The following ASTN2 variants were observed in gnomAD, a reference collection of about 807,000 sequenced individuals.
The protein encoded by ASTN2 is astrotactin-2.
A neutral mutation model predicts 139.8 loss-of-function variants in ASTN2; 54 were observed. That is an observed-to-expected ratio of 0.39 (90% confidence interval 0.31 to 0.48). The LOEUF (loss-of-function observed/expected upper bound fraction) is 0.48. Ranked by LOEUF, ASTN2 falls within the 20% of genes least tolerant of loss-of-function variation. ASTN2 has a pLI of 0.95. For synonymous variants in ASTN2, 756 were observed against 719.5 expected, an observed-to-expected ratio of 1.05 and a Z score of -0.81; for missense variants, 1,565 against 1,725.1, an observed-to-expected ratio of 0.91 and a Z score of 1.64.
intron 19 of ASTN2, among the ~76,000 whole-genome samples, chr9:116,573,920 G>T (rs1335744978): frequency 1.3e-5 from 2 of 152,156 alleles, no homozygotes; most frequent in African/African-American, 4.8e-5. Flanking sequence ...GTTGTACTTA[G>T]AATTGTTTTT....
At chr9:117,201,337 C>T (rs1427146407) in intron 3 of ASTN2, among the ~76,000 whole-genome samples, 1 of 151,898 alleles carries the variant, frequency 6.6e-6, no homozygotes, top group Non-Finnish European at 1.5e-5. Context: ...TGGATTCGTT[C>T]AGTTTTTGGA....
At chr9:117,307,176 C>CA (rs1213222711) in intron 1 of ASTN2, among the ~76,000 whole-genome samples, 1 of 152,230 alleles carries the variant, frequency 6.6e-6, no homozygotes, top group Non-Finnish European at 1.5e-5. Flanking sequence ...CTCACAAACA[C>CA]ATGTACTTCC....
chr9:116,658,604 G>A (rs918860341), intron 16 of ASTN2, among the ~76,000 whole-genome samples: 7 of 152,024 alleles, frequency 4.6e-5, no homozygotes, highest in Admixed American at 1.3e-4. Context: ...ATTGGGGACC[G>A]CTGAAAAGCC....
intron 22 of ASTN2, among the ~76,000 whole-genome samples, chr9:116,434,542 G>A (rs968843478): frequency 3.9e-5 from 6 of 152,324 alleles, no homozygotes; most frequent in African/African-American, 1.4e-4. Context: ...GAGGCAAGAG[G>A]AGCTGACATC....
chr9:116,464,543 G>A (rs371235795), intron 20 of ASTN2, among the ~76,000 whole-genome samples: 3 of 152,278 alleles, frequency 2.0e-5, no homozygotes, highest in African/African-American at 7.2e-5. Flanking sequence ...TTCCTTGAGA[G>A]CAGTTATGTG....
At chr9:117,269,391 A>C (rs1020177725) in intron 2 of ASTN2, among the ~76,000 whole-genome samples, 1 of 152,230 alleles carries the variant, frequency 6.6e-6, no homozygotes, top group African/African-American at 2.4e-5. Context: ...GTGCATATTT[A>C]ATTACACTTA....
chr9:117,032,746 C>T (rs982211211), intron 6 of ASTN2, among the ~76,000 whole-genome samples: 1 of 152,098 alleles, frequency 6.6e-6, no homozygotes. Flanking sequence ...TTATTATTCA[C>T]AATTTTATGC....
chr9:117,248,527 G>C (rs1022776930), intron 2 of ASTN2, among the ~76,000 whole-genome samples: 2 of 152,200 alleles, frequency 1.3e-5, no homozygotes, highest in African/African-American at 2.4e-5. Flanking sequence ...ACTTACAAGT[G>C]AGGCCATGGA....
chr9:117,185,829 A>G (rs1046674427), intron 3 of ASTN2, among the ~76,000 whole-genome samples: 1 of 152,204 alleles, frequency 6.6e-6, no homozygotes, highest in Admixed American at 6.5e-5. Flanking sequence ...ACAGAGAAAA[A>G]GAGGCCAAGA....
chr9:116,986,079 T>C lies in ASTN2; in HGVS notation c.1592-9294A>G, dbSNP rs983371356. Reference sequence around the variant, plus strand: ...AACAGTTACTGCATCGCCAGACGTGTAGGCAGCACTTGGTATGTTGCAGTG... The same window carrying C: ...AACAGTTACTGCATCGCCAGACGTGCAGGCAGCACTTGGTATGTTGCAGTG... On this transcript the variant is annotated intron_variant, in intron 7 of 22. Transcript: ENST00000313400. 1.3e-4 allele frequency among the ~76,000 whole-genome samples: 20 copies of C among 152,152 alleles called. 2 individuals carry two copies.
intron 4 of ASTN2, among the ~76,000 whole-genome samples, chr9:117,132,733 C>A (rs1022705136): frequency 2.6e-5 from 4 of 152,090 alleles, no homozygotes; most frequent in Non-Finnish European, 2.9e-5. Flanking sequence ...GGTACTCTCC[C>A]CGGCTGCACC....
chr9:116,887,485 G>A (rs905090183), intron 10 of ASTN2, among the ~76,000 whole-genome samples: 1 of 151,748 alleles, frequency 6.6e-6, no homozygotes, highest in Non-Finnish European at 1.5e-5. Flanking sequence ...AGAGCAGCAG[G>A]TGCAAAGGCC....
At chr9:117,381,096 G>A (rs924906129) in intron 1 of ASTN2, among the ~76,000 whole-genome samples, 1 of 152,152 alleles carries the variant, frequency 6.6e-6, no homozygotes, top group Non-Finnish European at 1.5e-5. Flanking sequence ...TTTCAATATG[G>A]ATGAACTTTG....
intron 1 of ASTN2, among the ~76,000 whole-genome samples, chr9:117,299,919 G>C (rs1184792233): frequency 6.6e-6 from 1 of 152,124 alleles, no homozygotes; most frequent in Non-Finnish European, 1.5e-5. Flanking sequence ...CACCTGACTG[G>C]TATCCTGGAG....
intron 1 of ASTN2, among the ~76,000 whole-genome samples, chr9:117,309,502 C>T (rs1827900345): frequency 6.6e-6 from 1 of 152,176 alleles, no homozygotes; most frequent in African/African-American, 2.4e-5. Context: ...AATGACAACT[C>T]TTCACCCTGA....
At chr9:116,811,485 G>A (rs977290169) in intron 12 of ASTN2, among the ~76,000 whole-genome samples, 6 of 152,146 alleles carry the variant, frequency 3.9e-5, no homozygotes, top group African/African-American at 1.2e-4. Context: ...TAGACTAACA[G>A]TGTAGTTTGT....
intron 10 of ASTN2, among the ~76,000 whole-genome samples, chr9:116,868,034 T>A (rs1478760804): frequency 6.6e-6 from 1 of 152,042 alleles, no homozygotes; most frequent in African/African-American, 2.4e-5. Context: ...AGCAAAGAGA[T>A]GAATGGAAGA....
intron 19 of ASTN2, among the ~76,000 whole-genome samples, chr9:116,489,266 C>T (rs1849435321): frequency 6.6e-6 from 1 of 152,154 alleles, no homozygotes; most frequent in African/African-American, 2.4e-5. Context: ...GCAGAATATA[C>T]AGATCACTTC....
chr9:116,842,986 C>G (rs1369883448), intron 11 of ASTN2, among the ~76,000 whole-genome samples: 1 of 152,134 alleles, frequency 6.6e-6, no homozygotes, highest in African/African-American at 2.4e-5. Flanking sequence ...TCTGCAGGGT[C>G]CAACCCTCAG....
Sources: gnomAD v4.1 joint callset for allele counts (sites outside exome capture counted in the v4.1 genomes callset) on GRCh38, gnomAD v4.1.1 for gene constraint, MANE v1.5 for transcripts, NCBI Gene and HGNC (gene_info 2026-07-23, HGNC 2026-07-21) for gene names.